Variants in CLVS1 observed in about 807,000 individuals in gnomAD.
CLVS1 encodes clavesin-1.
CLVS1 carries 10 observed loss-of-function variants against 33.1 expected under a neutral mutation model. The observed-to-expected ratio is 0.30, with a 90% CI of 0.19 to 0.51. The LOEUF (loss-of-function observed/expected upper bound fraction) is 0.51. CLVS1 is among the 20% of genes least tolerant of loss of function. The pLI is 0.97. For synonymous variants in CLVS1, 163 were observed against 166.1 expected (o/e 0.98, Z 0.14); for missense variants, 343 against 433.4 (o/e 0.79, Z 1.85).
intron 3 of CLVS1, among the ~76,000 whole-genome samples, chr8:61,435,966 C>G: frequency 6.6e-6 from 1 of 152,096 alleles, no homozygotes; most frequent in Non-Finnish European, 1.5e-5. Flanking sequence ...TTGTAACATC[C>G]ACAAATAAAC....
At chr8:61,230,345 G>C (rs1221005251) in intron 2 of CLVS1, among the ~76,000 whole-genome samples, 1 of 152,174 alleles carries the variant, frequency 6.6e-6, no homozygotes, top group Non-Finnish European at 1.5e-5. Flanking sequence ...CTAGATCCTA[G>C]CTCTCCCATT....
At chr8:60,995,393 CA>C in the CLVS1 span, among the ~76,000 whole-genome samples, 1 of 151,984 alleles carries the variant, frequency 6.6e-6, no homozygotes, top group African/African-American at 2.4e-5. Flanking sequence ...TTTATGCAGC[CA>C]AAAAACACAT....
chr8:61,283,957 A>T (rs1313400869), upstream of CLVS1, among the ~76,000 whole-genome samples: 1 of 152,196 alleles, frequency 6.6e-6, no homozygotes, highest in Non-Finnish European at 1.5e-5. Context: ...TTATTCCAAT[A>T]TATTCCAATA....
At chr8:61,032,988 GGAAGGAAAGAAAGAAAGAAAGAAAGAAA>G in the CLVS1 span, among the ~76,000 whole-genome samples, 7 of 75,204 alleles carry the variant, frequency 9.3e-5, no homozygotes, top group East Asian at 1.1e-3. Flanking sequence ...AAGGAAGGAA[GGAAGGAAAGAAAGAAAGAAAGAAAGAAA>G]GAAAGAAAGA....
chr8:61,383,440 A>C (rs1039911070), intron 3 of CLVS1, among the ~76,000 whole-genome samples: 1 of 152,264 alleles, frequency 6.6e-6, no homozygotes, highest in African/African-American at 2.4e-5. Flanking sequence ...TAGATAGAAC[A>C]GATGGAAGGA....
intron 2 of CLVS1, among the ~76,000 whole-genome samples, chr8:61,246,807 T>A (rs556280037): frequency 3.8e-4 from 58 of 152,240 alleles, no homozygotes; most frequent in Admixed American, 1.5e-3. Flanking sequence ...TTTCTTTTTT[T>A]AAAAAAATTT....
At chr8:61,193,773 C>A (rs1439970462) in intron 2 of CLVS1, among the ~76,000 whole-genome samples, 1 of 151,764 alleles carries the variant, frequency 6.6e-6, no homozygotes, top group Admixed American at 6.6e-5. Context: ...AGAAGAAAAA[C>A]ACACTCTAAT....
At chr8:60,969,451 C>A in the CLVS1 span, among the ~76,000 whole-genome samples, 1 of 152,132 alleles carries the variant, frequency 6.6e-6, no homozygotes, top group East Asian at 1.9e-4. Flanking sequence ...TGCCACAAAG[C>A]GTCTGTTATG....
At chr8:61,233,551 A>T (rs1808491479) in intron 2 of CLVS1, among the ~76,000 whole-genome samples, 1 of 151,892 alleles carries the variant, frequency 6.6e-6, no homozygotes, top group South Asian at 2.1e-4. Context: ...GAAAAAAAAA[A>T]GTCCACGTCA....
chr8:61,464,707 T>A (rs1178200213), intron 5 of CLVS1: 1 of 152,070 alleles, frequency 6.6e-6, no homozygotes, highest in Non-Finnish European at 1.5e-5. Flanking sequence ...AGCTAGCAAG[T>A]GTGCACACAC....
At chr8:61,304,616 G>A (rs191320844) in intron 2 of CLVS1, among the ~76,000 whole-genome samples, 15 of 152,242 alleles carry the variant, frequency 9.9e-5, no homozygotes, top group Admixed American at 2.0e-4. Flanking sequence ...ACCTAAACTC[G>A]TATCAGCATT....
intron 3 of CLVS1, among the ~76,000 whole-genome samples, chr8:61,415,281 G>T (rs1484509740): frequency 6.6e-6 from 1 of 152,202 alleles, no homozygotes; most frequent in Non-Finnish European, 1.5e-5. Context: ...CTGAGTGGTG[G>T]CCCAGGTGGC....
chr8:60,972,401 C>T, the CLVS1 span, among the ~76,000 whole-genome samples: 35 of 152,156 alleles, frequency 2.3e-4, no homozygotes, highest in African/African-American at 8.0e-4. Flanking sequence ...TCAAACTAAA[C>T]TTAAAAACTT....
intron 2 of CLVS1, among the ~76,000 whole-genome samples, chr8:61,180,640 C>G (rs559362927): frequency 6.6e-6 from 1 of 152,164 alleles, no homozygotes; most frequent in East Asian, 1.9e-4. Flanking sequence ...GCTTATTCAC[C>G]ATGATCAAGA....
chr8:61,286,365 C>A (rs1354959654), upstream of CLVS1, among the ~76,000 whole-genome samples: 9 of 152,184 alleles, frequency 5.9e-5, no homozygotes. Flanking sequence ...AATATCTTAG[C>A]CCCTATGGAG....
chr8:61,311,815 C>G (rs926518340), intron 2 of CLVS1, among the ~76,000 whole-genome samples: 4 of 152,194 alleles, frequency 2.6e-5, no homozygotes, highest in African/African-American at 9.7e-5. Context: ...CTTCTCAAAG[C>G]AAGTCCCAGT....
intron 2 of CLVS1, among the ~76,000 whole-genome samples, chr8:61,137,124 C>T (rs976430327): frequency 7.2e-5 from 11 of 152,134 alleles, no homozygotes; most frequent in East Asian, 5.8e-4. Context: ...AGCTATGCAG[C>T]GTGCTGCATA....
intron 1 of CLVS1, chr8:61,292,524 ACTCTTTCC>A (rs1810031735): frequency 2.7e-6 from 1 of 372,152 alleles, no homozygotes; most frequent in Non-Finnish European, 5.4e-6. Flanking sequence ...TTAGAGAAAT[ACTCTTTCC>A]CTTTGAAGAC....
At chr8:61,047,996 A>G in the CLVS1 span, among the ~76,000 whole-genome samples, 3 of 152,300 alleles carry the variant, frequency 2.0e-5, no homozygotes, top group East Asian at 5.8e-4. Context: ...CAAAGAAGAA[A>G]AATGTACTAT....
Sources: allele counts gnomAD v4.1 joint callset (sites outside exome capture counted in the v4.1 genomes callset), GRCh38; gene constraint gnomAD v4.1.1; transcripts MANE v1.5; gene names NCBI Gene and HGNC (gene_info 2026-07-23, HGNC 2026-07-21).